The following IMMP2L variants were observed in gnomAD, a reference collection of about 807,000 sequenced individuals.
IMMP2L encodes the protein mitochondrial inner membrane protease subunit 2.
IMMP2L carries 18 observed loss-of-function variants against 19.3 expected under a neutral mutation model. That is an observed-to-expected ratio of 0.93 (90% CI 0.64 to 1.38). IMMP2L has a LOEUF of 1.38. IMMP2L is among the 40% of genes most tolerant of loss of function. The probability of loss-of-function intolerance (pLI) is 0.00; values close to 1 mark genes in which losing one functional copy is unlikely to be tolerated. For missense variants in IMMP2L, 233 were observed against 218.2 expected (o/e 1.07, Z -0.43); for synonymous variants, 76 against 73.0 (o/e 1.04, Z -0.21).
intron 1 of IMMP2L, among the ~76,000 whole-genome samples, chr7:111,540,651 C>A (rs1321549569): frequency 6.6e-5 from 10 of 152,142 alleles, no homozygotes; most frequent in Admixed American, 6.6e-4. Flanking sequence ...TTATAGGTAA[C>A]TCCCCAACTA....
intron 3 of IMMP2L, among the ~76,000 whole-genome samples, chr7:111,404,330 G>A (rs1264500711): frequency 6.6e-6 from 1 of 152,064 alleles, no homozygotes; most frequent in African/African-American, 2.4e-5. Context: ...AGCTGTCACT[G>A]TAATTACAAT....
At chr7:111,288,660 T>C (rs1284034954) in intron 3 of IMMP2L, among the ~76,000 whole-genome samples, 3 of 151,800 alleles carry the variant, frequency 2.0e-5, no homozygotes, top group Non-Finnish European at 4.4e-5. Context: ...CCAACAAACA[T>C]GAAAAAAAGT....
chr7:110,816,424 G>C (rs1802523002), intron 5 of IMMP2L, among the ~76,000 whole-genome samples: 1 of 151,494 alleles, frequency 6.6e-6, no homozygotes, highest in South Asian at 2.1e-4. Flanking sequence ...GTGTGGTGCT[G>C]AGAAGAATGT....
chr7:111,177,236 G>A (rs2129610247), intron 3 of IMMP2L, among the ~76,000 whole-genome samples: 1 of 152,186 alleles, frequency 6.6e-6, no homozygotes, highest in Non-Finnish European at 1.5e-5. Flanking sequence ...CTAGAGTGCA[G>A]TGGTGCTATC....
intron 3 of IMMP2L, among the ~76,000 whole-genome samples, chr7:111,210,366 T>G (rs1350748712): frequency 6.6e-6 from 1 of 152,186 alleles, no homozygotes; most frequent in Non-Finnish European, 1.5e-5. Context: ...TGGGTTTATT[T>G]CACGTGTAAA....
chr7:111,493,686 C>G (rs1472005789), intron 2 of IMMP2L, among the ~76,000 whole-genome samples: 1 of 142,442 alleles, frequency 7.0e-6, no homozygotes, highest in Non-Finnish European at 1.5e-5. Flanking sequence ...GCCTGGGCGA[C>G]AGAGCAAGAC....
intron 3 of IMMP2L, among the ~76,000 whole-genome samples, chr7:111,298,676 A>G (rs1403652146): frequency 6.6e-6 from 1 of 151,584 alleles, no homozygotes; most frequent in Non-Finnish European, 1.5e-5. Context: ...GAATCGCTTG[A>G]ACCAGGGAGG....
intron 3 of IMMP2L, among the ~76,000 whole-genome samples, chr7:111,324,399 TAGAGAG>T (rs1338433275): frequency 6.6e-6 from 1 of 151,828 alleles, no homozygotes; most frequent in Non-Finnish European, 1.5e-5. Flanking sequence ...CTGACCATAA[TAGAGAG>T]AGAATGCATT....
At chr7:110,780,880 C>T (rs1799691457) in intron 5 of IMMP2L, among the ~76,000 whole-genome samples, 1 of 151,984 alleles carries the variant, frequency 6.6e-6, no homozygotes, top group South Asian at 2.1e-4. Context: ...TTTGCACTCC[C>T]TGTCTTGTGA....
rs377599249 is a variant in IMMP2L at position 111,541,447 on chromosome 7, T to A, written c.-2-19998A>T. Reference sequence around the variant, plus strand: ...ATATTCCTGCTTTCAGCAGCAAAGATAAGTTATGGCTCCATTTGCAAATAA... The same window carrying A: ...ATATTCCTGCTTTCAGCAGCAAAGAAAAGTTATGGCTCCATTTGCAAATAA... On this transcript the variant is annotated intron_variant, in intron 1 of 5. Transcript: ENST00000405709. Among the ~76,000 whole-genome samples, 14 of 152,328 alleles carry A rather than the reference T, an allele frequency of 9.2e-5. No homozygotes were observed. The East Asian group carries it at 2.5e-3, about 27-fold the overall frequency.
intron 5 of IMMP2L, among the ~76,000 whole-genome samples, chr7:110,704,632 A>G (rs992240027): frequency 3.3e-5 from 5 of 152,190 alleles, no homozygotes; most frequent in East Asian, 1.9e-4. Context: ...TGTCTGACCC[A>G]GTTTGTCAAG....
chr7:110,972,237 T>C (rs886627353), intron 3 of IMMP2L, among the ~76,000 whole-genome samples: 17 of 152,186 alleles, frequency 1.1e-4, no homozygotes, highest in African/African-American at 3.9e-4. Context: ...AAAAACAGCA[T>C]TACCATTTAT....
chr7:111,356,863 C>T (rs1465497265), intron 3 of IMMP2L, among the ~76,000 whole-genome samples: 2 of 152,032 alleles, frequency 1.3e-5, no homozygotes, highest in Admixed American at 1.3e-4. Flanking sequence ...CCTATCTCCA[C>T]TAAAAATACA....
At chr7:111,347,136 A>G (rs973862625) in intron 3 of IMMP2L, among the ~76,000 whole-genome samples, 67 of 152,284 alleles carry the variant, frequency 4.4e-4, no homozygotes, top group African/African-American at 1.5e-3. Flanking sequence ...GAACAGAGGC[A>G]GAAAGGCTGG....
intron 4 of IMMP2L, among the ~76,000 whole-genome samples, chr7:110,891,411 C>T (rs150759450): frequency 6.6e-6 from 1 of 152,300 alleles, no homozygotes; most frequent in East Asian, 1.9e-4. Flanking sequence ...AGTTAAGAAT[C>T]AACTTTAATT....
chr7:111,125,023 A>ATTT (rs1190829439), intron 3 of IMMP2L: 3 of 743,422 alleles, frequency 4.0e-6, no homozygotes, highest in Non-Finnish European at 6.4e-6. Flanking sequence ...TACTTTCGAG[A>ATTT]GAGAAGTTTA....
chr7:111,283,090 A>G (rs1820081365), intron 3 of IMMP2L, among the ~76,000 whole-genome samples: 1 of 152,210 alleles, frequency 6.6e-6, no homozygotes. Context: ...AAAAACCTCA[A>G]TGAATTAAAA....
At chr7:110,748,298 A>G (rs73417206) in intron 5 of IMMP2L, among the ~76,000 whole-genome samples, 9,431 of 152,248 alleles carry the variant, frequency 0.062, 918 homozygotes, top group African/African-American at 0.2. Flanking sequence ...GGAAGAATCA[A>G]TATCATCAAA....
At chr7:110,855,866 T>C (rs1165486938) in intron 5 of IMMP2L, among the ~76,000 whole-genome samples, 2 of 152,034 alleles carry the variant, frequency 1.3e-5, no homozygotes, top group Non-Finnish European at 2.9e-5. Context: ...TATCTTAATT[T>C]ATATATGGAG....
Sources: allele counts gnomAD v4.1 joint callset (sites outside exome capture counted in the v4.1 genomes callset), GRCh38; gene constraint gnomAD v4.1.1; transcripts MANE v1.5; gene names NCBI Gene and HGNC (gene_info 2026-07-23, HGNC 2026-07-21).